WWOX: variants seen among roughly 807,000 people sequenced by gnomAD.
WWOX encodes WW domain-containing oxidoreductase.
A neutral mutation model predicts 46.2 loss-of-function variants in WWOX; 69 were observed. That is an observed-to-expected ratio of 1.49 (90% CI 1.23 to 1.82). The LOEUF (loss-of-function observed/expected upper bound fraction) is 1.82. Among genes scored for constraint, WWOX ranks in the 40% most tolerant of loss-of-function variants. WWOX has a pLI of 0.00. For synonymous variants in WWOX, 359 were observed against 202.6 expected, an observed-to-expected ratio of 1.77 and a Z score of -6.56; for missense variants, 919 against 542.6, an observed-to-expected ratio of 1.69 and a Z score of -6.89.
chr16:79,083,112 A>C (rs1416495724), intron 8 of WWOX, among the ~76,000 whole-genome samples: 1 of 152,180 alleles, frequency 6.6e-6, no homozygotes, highest in African/African-American at 2.4e-5. Flanking sequence ...TGACACATTT[A>C]AGGAACTCCA....
At chr16:78,191,124 C>T (rs956897220) in intron 5 of WWOX, among the ~76,000 whole-genome samples, 3 of 152,174 alleles carry the variant, frequency 2.0e-5, no homozygotes, top group Admixed American at 6.5e-5. Flanking sequence ...TGCCGCTGGA[C>T]CACTGGATCC....
intron 8 of WWOX, among the ~76,000 whole-genome samples, chr16:78,717,625 C>G (rs2048594463): frequency 6.6e-6 from 1 of 152,068 alleles, no homozygotes; most frequent in Non-Finnish European, 1.5e-5. Context: ...AGGAGTTTCC[C>G]CAGACACACG....
intron 8 of WWOX, among the ~76,000 whole-genome samples, chr16:78,868,148 T>C (rs2044047188): frequency 6.6e-6 from 1 of 152,126 alleles, no homozygotes; most frequent in African/African-American, 2.4e-5. Context: ...AGCTGGGGAA[T>C]GGAGAAACAA....
intron 5 of WWOX, among the ~76,000 whole-genome samples, chr16:78,381,939 C>A (rs2081964968): frequency 6.6e-6 from 1 of 152,182 alleles, no homozygotes. Context: ...GATCATGTCT[C>A]ACGGCAGCCT....
chr16:79,045,865 A>T (rs1444462962), intron 8 of WWOX, among the ~76,000 whole-genome samples: 1 of 124,990 alleles, frequency 8.0e-6, no homozygotes, highest in East Asian at 2.3e-4. Context: ...GCAGTGGCAC[A>T]ATCTCAGCTC....
At chr16:78,100,024 A>C (rs1035850380) in intron 1 of WWOX, 139 bp downstream of exon 1, 76 of 1,467,280 alleles carry the variant, frequency 5.2e-5, no homozygotes, top group Non-Finnish European at 6.4e-5. Flanking sequence ...GCTTCAGGGA[A>C]AAGGGTCCAG....
In WWOX at chr16:78,406,331, TATATATATATATATATATA is replaced by T. The variant is rs1411326805; in HGVS notation, c.606-18538_606-18520del. ...ATATATATATATATATATATATATA[TATATATATATATATATATA>T]TATATTTTATTATTTTTTTTTGAGA... On this transcript the variant is annotated intron_variant, in intron 6 of 8. Coordinates refer to ENST00000566780, the MANE Select transcript of WWOX (RefSeq NM_016373.4). Among the ~76,000 whole-genome samples the T allele has an allele frequency of 8.6e-3, 816 of 95,046 alleles. 25 individuals are homozygous for T. Among genetic ancestry groups the T allele is most frequent in the African/African-American group, 0.064 (783 of 12,274 alleles). The allele number at this position is 95,046 out of a possible 152,430, so 62.4% of individuals were successfully genotyped here. A position where few individuals can be genotyped will look rare whatever the true frequency, so the allele number is the denominator to read the frequency against.
At chr16:78,353,044 T>C (rs2081215600) in intron 5 of WWOX, among the ~76,000 whole-genome samples, 1 of 152,220 alleles carries the variant, frequency 6.6e-6, no homozygotes, top group South Asian at 2.1e-4. Flanking sequence ...TTTTGTAAAA[T>C]AATGGCAGTT....
At chr16:78,123,440 G>GTTTTTTTTTGTTTTTTTTTTTTTTTTT (rs2033202971) in intron 4 of WWOX, 1 of 50,500 alleles carries the variant, frequency 2.0e-5, no homozygotes, top group Non-Finnish European at 3.7e-5. Context: ...TTTTTGTTTT[G>GTTTTTTTTTGTTTTTTTTTTTTTTTTT]TTTTTTTTTT....
intron 8 of WWOX, among the ~76,000 whole-genome samples, chr16:78,913,309 G>A (rs570688920): frequency 6.6e-6 from 1 of 151,942 alleles, no homozygotes; most frequent in African/African-American, 2.4e-5. Flanking sequence ...CTGGTTCATG[G>A]TTAGACTGCA....
At position 78,113,293 on chromosome 16, in the gene WWOX, C is replaced by G. The variant is rs144603565; in HGVS notation, c.231-1683C>G. On this transcript the variant is annotated intron_variant, in intron 3 of 8. Coordinates refer to ENST00000566780, the MANE Select transcript of WWOX (RefSeq NM_016373.4). Reference sequence around the variant, plus strand: ...TCCTGATGTTCCCTAGCTTGAGAGCCTCCCGTCTAGAGCAGGGGCTGTCTC... The same window carrying G: ...TCCTGATGTTCCCTAGCTTGAGAGCGTCCCGTCTAGAGCAGGGGCTGTCTC... Among the ~76,000 whole-genome samples, 119 of 152,320 alleles carry G rather than the reference C, an allele frequency of 7.8e-4. 1 individual carries two copies. Among genetic ancestry groups the G allele is most frequent in the African/African-American group, 2.7e-3 (114 of 41,574 alleles).
At chr16:78,944,331 G>A (rs2045908871) in intron 8 of WWOX, among the ~76,000 whole-genome samples, 1 of 152,040 alleles carries the variant, frequency 6.6e-6, no homozygotes, top group Non-Finnish European at 1.5e-5. Flanking sequence ...TCTGTTTTAT[G>A]TACCATGCTG....
At chr16:78,165,971 A>G (rs563216630) in intron 5 of WWOX, among the ~76,000 whole-genome samples, 3 of 100,402 alleles carry the variant, frequency 3.0e-5, no homozygotes, top group Middle Eastern at 4.4e-3. Flanking sequence ...GGATAGTAGC[A>G]ATTTTTAGGG....
chr16:78,458,764 C>T (rs2667606), intron 8 of WWOX, among the ~76,000 whole-genome samples: 1 of 151,558 alleles, frequency 6.6e-6, no homozygotes, highest in Admixed American at 6.6e-5. Context: ...ATATAAATAC[C>T]AGTACTAGTG....
chr16:79,112,218 T>C (rs991086086), intron 8 of WWOX, among the ~76,000 whole-genome samples: 1 of 152,168 alleles, frequency 6.6e-6, no homozygotes, highest in Admixed American at 6.5e-5. Context: ...CCAAACAGAC[T>C]CTTGGTTTGT....
At chr16:79,205,392 G>T (rs529797218) in intron 8 of WWOX, 1 of 152,164 alleles carries the variant, frequency 6.6e-6, no homozygotes, top group African/African-American at 2.4e-5. Flanking sequence ...TTGTGAACCT[G>T]TTGCTAGCAA....
chr16:78,525,794 G>A (rs1048599172), intron 8 of WWOX: 1 of 149,098 alleles, frequency 6.7e-6, no homozygotes, highest in African/African-American at 2.5e-5. Flanking sequence ...TCTGACCCAG[G>A]TTGTCATGAC....
chr16:78,352,587 A>T (rs866166689), intron 5 of WWOX, among the ~76,000 whole-genome samples: 19 of 152,288 alleles, frequency 1.2e-4, no homozygotes, highest in Middle Eastern at 3.4e-3. Flanking sequence ...TTGTAACTTC[A>T]GGGAGTCTAC....
chr16:78,257,321 AAT>A (rs2038159212), intron 5 of WWOX, among the ~76,000 whole-genome samples: 1 of 152,216 alleles, frequency 6.6e-6, no homozygotes. Flanking sequence ...AGATCTGCAC[AAT>A]GATTGAAATA....
Sources: allele counts gnomAD v4.1 joint callset (sites outside exome capture counted in the v4.1 genomes callset), GRCh38; gene constraint gnomAD v4.1.1; transcripts MANE v1.5; gene names NCBI Gene and HGNC (gene_info 2026-07-23, HGNC 2026-07-21).